Variants in RYR2 observed in about 807,000 individuals in gnomAD.
RYR2 encodes ryanodine receptor 2.
Under a neutral mutation model 601.1 loss-of-function variants are expected in RYR2, and 227 were observed. The ratio of observed to expected loss-of-function variants is 0.38; its 90% CI spans 0.34 to 0.42. The LOEUF is 0.42. Among genes scored for constraint, RYR2 ranks in the 10% least tolerant of loss-of-function variants. RYR2 has a pLI of 1.00. For missense variants in RYR2, 4,646 were observed against 6,156.5 expected (o/e 0.75, Z 8.21); for synonymous variants, 2,223 against 2,175.1 (o/e 1.02, Z -0.61).
intron 2 of RYR2, among the ~76,000 whole-genome samples, chr1:237,294,331 G>T (rs1392922023): frequency 6.6e-6 from 1 of 151,924 alleles, no homozygotes; most frequent in Non-Finnish European, 1.5e-5. Flanking sequence ...CAGCCACTCA[G>T]TATTTTAAAA....
At chr1:237,343,541 C>A (rs1263374557) in intron 3 of RYR2, among the ~76,000 whole-genome samples, 1 of 150,994 alleles carries the variant, frequency 6.6e-6, no homozygotes, top group East Asian at 1.9e-4. Context: ...TTTTTTTTTT[C>A]AGATGAAGAA....
At chr1:237,061,508 T>TA (rs1662890872) in intron 1 of RYR2, among the ~76,000 whole-genome samples, 1 of 152,152 alleles carries the variant, frequency 6.6e-6, no homozygotes, top group Admixed American at 6.6e-5. Flanking sequence ...GATGAGGTCT[T>TA]ACCATGTTGC....
Position 237,496,630 on chromosome 1 carries a change from G to A in RYR2, c.2081G>A (p.Arg694Gln), listed in dbSNP as rs190787113. 4 of 1,614,006 alleles carry A rather than the reference G, an allele frequency of 2.5e-6. No homozygotes were observed. Among genetic ancestry groups the A allele is most frequent in the Admixed American group, 3.3e-5 (2 of 60,012 alleles). Residue 694 changes from arginine to glutamine, a missense_variant, in exon 20 of 105, where the codon CGA (arginine) becomes CAA (glutamine). Physicochemically the swap from Arg to Gln is conservative, Grantham distance 43. Around this residue, in one of 17 missense-constraint regions of RYR2, gnomAD observed 1,807 missense variants for 2,088.1 expected, o/e 0.87. Coordinates refer to ENST00000366574, the MANE Select transcript of RYR2 (RefSeq NM_001035.3). ...PFVTAEATHL[R>Q]VGWASTEGYS... The stretch of plus-strand genomic sequence containing the variant: ...GTGACAGCTGAAGCAACTCACCTGC[G>A]AGTGGGCTGGGCTTCCACTGAAGGA...
Position 237,042,277 on chromosome 1 carries a change from C to T in RYR2, c.-245C>T, listed in dbSNP as rs1659990089. ...GCTGCTTCCCCGCGTCCTCCGGGCC[C>T]GGGCCGCCCTCCTCCCGCACAGTGC... On this transcript the variant is annotated 5_prime_UTR_variant, in exon 1 of 105. Transcript: ENST00000366574. 4.7e-6 allele frequency: 1 copy of T among 212,180 alleles called. No individual in the cohort carries two copies. The highest frequency in any genetic ancestry group is 5.9e-5 in the Admixed American group (1 of 17,016). The allele number at this position is 212,180 out of a possible 1,614,324, so 13.1% of individuals were successfully genotyped here. A position where few individuals can be genotyped will look rare whatever the true frequency, so the allele number is the denominator to read the frequency against.
At chr1:237,230,040 C>T (rs1225351732) in intron 1 of RYR2, among the ~76,000 whole-genome samples, 3 of 152,044 alleles carry the variant, frequency 2.0e-5, no homozygotes, top group Non-Finnish European at 4.4e-5. Context: ...CTTTGGTGTC[C>T]TCATATGTGT....
chr1:237,197,886 A>G (rs1165543576), intron 1 of RYR2, among the ~76,000 whole-genome samples: 1 of 152,210 alleles, frequency 6.6e-6, no homozygotes, highest in East Asian at 1.9e-4. Context: ...TGAGTTTGCA[A>G]GCTGGTTGTA....
chr1:237,486,285 A>G (rs1243540159), intron 17 of RYR2, among the ~76,000 whole-genome samples: 2 of 152,208 alleles, frequency 1.3e-5, no homozygotes, highest in South Asian at 2.1e-4. Context: ...TTTGAAATCA[A>G]CTTGGAATAG....
chr1:237,401,929 A>G lies in RYR2; in HGVS notation c.773+13746A>G, dbSNP rs73104403. Reference sequence around the variant, plus strand: ...AAAGCCACTTCTATTCACTTGGAAAATTCCAAGGGTGTACTGTCTTCCAGG... The same window carrying G: ...AAAGCCACTTCTATTCACTTGGAAAGTTCCAAGGGTGTACTGTCTTCCAGG... On this transcript the variant is annotated intron_variant, in intron 10 of 104. Transcript: ENST00000366574. Among the ~76,000 whole-genome samples, 1,399 of 152,258 alleles carry G rather than the reference A, an allele frequency of 9.2e-3. 23 individuals carry two copies. The highest frequency in any genetic ancestry group is 0.032 in the African/African-American group (1,334 of 41,546).
At chr1:237,617,996 G>A (rs1256824211) in intron 38 of RYR2, among the ~76,000 whole-genome samples, 3 of 152,120 alleles carry the variant, frequency 2.0e-5, no homozygotes, top group Admixed American at 6.6e-5. Context: ...TCAGAGAATG[G>A]GCTAGTTGGG....
At chr1:237,580,348 G>A (rs1673769982) in intron 29 of RYR2, among the ~76,000 whole-genome samples, 1 of 151,316 alleles carries the variant, frequency 6.6e-6, no homozygotes, top group South Asian at 2.1e-4. Flanking sequence ...GTAGAGATGG[G>A]GTTTTACCAT....
At chr1:237,665,343 G>A (rs903103618) in intron 56 of RYR2, among the ~76,000 whole-genome samples, 7 of 147,010 alleles carry the variant, frequency 4.8e-5, no homozygotes, top group Admixed American at 2.8e-4. Flanking sequence ...AGGTTGCAGC[G>A]AGTCAAGATC....
intron 77 of RYR2, 108 bp downstream of exon 77, chr1:237,730,464 A>G: frequency 1.7e-6 from 1 of 577,522 alleles, no homozygotes; most frequent in Non-Finnish European, 3.1e-6. Context: ...TCATTACAGT[A>G]TATGGGTATT....
intron 29 of RYR2, among the ~76,000 whole-genome samples, chr1:237,577,239 G>A (rs10925460): frequency 0.29 from 43,886 of 151,962 alleles, 6,802 homozygotes; most frequent in East Asian, 0.61. Context: ...TGGAAACTAC[G>A]GTAATAAATG....
chr1:237,439,846 T>A (rs77653511), intron 12 of RYR2, among the ~76,000 whole-genome samples: 8,090 of 152,104 alleles, frequency 0.053, 292 homozygotes, highest in Non-Finnish European at 0.08. Context: ...AAAAAAAATG[T>A]TAGAGGCTCA....
intron 81 of RYR2, among the ~76,000 whole-genome samples, chr1:237,757,010 T>C (rs572686452): frequency 1.3e-5 from 2 of 152,370 alleles, no homozygotes; most frequent in East Asian, 3.9e-4. Flanking sequence ...TGATTTTTTG[T>C]ACATTCATAA....
intron 1 of RYR2, among the ~76,000 whole-genome samples, chr1:237,191,596 C>A (rs115639475): frequency 6.6e-6 from 1 of 152,018 alleles, no homozygotes; most frequent in East Asian, 1.9e-4. Context: ...TTGCCAAGTG[C>A]GTGTTCCGAT....
At chr1:237,117,651 TTCTCC>T (rs567506062) in intron 1 of RYR2, among the ~76,000 whole-genome samples, 6 of 148,916 alleles carry the variant, frequency 4.0e-5, no homozygotes, top group Non-Finnish European at 9.0e-5. Flanking sequence ...CTCTTCTCTT[TTCTCC>T]TCTTCTCTTC....
At chr1:237,331,764 T>A (rs1398046471) in intron 3 of RYR2, among the ~76,000 whole-genome samples, 4 of 151,946 alleles carry the variant, frequency 2.6e-5, no homozygotes, top group Non-Finnish European at 4.4e-5. Flanking sequence ...TCTGCCCACC[T>A]TGGCCTCCCA....
Position 237,824,463 on chromosome 1 carries a change from G to A in RYR2, c.14591-3918G>A, listed in dbSNP as rs568060649. ...CTCAATACATGCAGAAAAGGCCTTC[G>A]ACAAAATTCAACAGCCCTTCATGCT... On this transcript the variant is annotated intron_variant, in intron 101 of 104. Coordinates refer to ENST00000366574, the MANE Select transcript of RYR2 (RefSeq NM_001035.3). Among the ~76,000 whole-genome samples, 5 of 152,154 alleles carry A rather than the reference G, an allele frequency of 3.3e-5. No homozygotes were observed. In the South Asian group the frequency reaches 8.3e-4, roughly 25 times the overall value.
Sources: gnomAD v4.1 joint callset for allele counts (sites outside exome capture counted in the v4.1 genomes callset) on GRCh38, gnomAD v4.1.1 for gene constraint, gnomAD v4.1.1 regional missense constraint, MANE v1.5 for transcripts, NCBI Gene and HGNC (gene_info 2026-07-23, HGNC 2026-07-21) for gene names.